Variants in RBFOX1 observed in about 807,000 individuals in gnomAD.
RBFOX1 encodes RNA binding protein fox-1 homolog 1.
In RBFOX1, 8 loss-of-function variants were observed where a neutral mutation model predicts 57.7. That is an observed-to-expected ratio of 0.14 (90% CI 0.08 to 0.25). RBFOX1 has a LOEUF of 0.25. Ranked by LOEUF, RBFOX1 falls within the 10% of genes least tolerant of loss-of-function variation. RBFOX1 has a pLI of 1.00. For missense variants in RBFOX1, 611 were observed against 548.5 expected, an observed-to-expected ratio of 1.11 and a Z score of -1.14; for synonymous variants, 326 against 222.4, an observed-to-expected ratio of 1.47 and a Z score of -4.15.
chr16:5,583,344 T>C (rs1039843857), intron 2 of RBFOX1, among the ~76,000 whole-genome samples: 1 of 152,232 alleles, frequency 6.6e-6, no homozygotes, highest in Admixed American at 6.5e-5. Context: ...CTTAATAGTA[T>C]GTATCTGTAA....
intron 4 of RBFOX1, among the ~76,000 whole-genome samples, chr16:7,501,877 C>G (rs953730893): frequency 1.3e-5 from 2 of 152,152 alleles, no homozygotes; most frequent in Admixed American, 6.5e-5. Flanking sequence ...CAGCCTGTAG[C>G]TATAGAGGTA....
At chr16:7,510,204 G>A (rs893965447) in intron 4 of RBFOX1, 18 of 985,758 alleles carry the variant, frequency 1.8e-5, no homozygotes, top group Non-Finnish European at 2.0e-5. Flanking sequence ...TGCACAGCGC[G>A]CACACCCTCG....
intron 3 of RBFOX1, among the ~76,000 whole-genome samples, chr16:6,669,245 G>T (rs1030480177): frequency 2.6e-5 from 4 of 152,176 alleles, no homozygotes; most frequent in Non-Finnish European, 2.9e-5. Flanking sequence ...CAAGGGTGGG[G>T]TGGGAAACCA....
intron 2 of RBFOX1, among the ~76,000 whole-genome samples, chr16:6,557,018 TATATATA>T (rs2097108618): frequency 8.0e-6 from 1 of 125,698 alleles, no homozygotes; most frequent in Admixed American, 7.5e-5. Flanking sequence ...TATATATACA[TATATATA>T]CATATATACA....
At chr16:5,541,912 G>C (rs1285032778) in intron 2 of RBFOX1, among the ~76,000 whole-genome samples, 1 of 152,034 alleles carries the variant, frequency 6.6e-6, no homozygotes, top group Non-Finnish European at 1.5e-5. Flanking sequence ...TATTTCAGTA[G>C]TTTTTTGGGA....
At chr16:6,419,881 C>T (rs2093726893) in intron 2 of RBFOX1, among the ~76,000 whole-genome samples, 1 of 152,130 alleles carries the variant, frequency 6.6e-6, no homozygotes, top group Admixed American at 6.5e-5. Flanking sequence ...TTCAGCTTTC[C>T]TGGACCATCA....
intron 3 of RBFOX1, among the ~76,000 whole-genome samples, chr16:7,020,509 G>A (rs182809167): frequency 5.6e-4 from 85 of 152,224 alleles, no homozygotes; most frequent in African/African-American, 1.6e-3. Context: ...GTCAGCCACC[G>A]CGCCCAGCCA....
intron 3 of RBFOX1, among the ~76,000 whole-genome samples, chr16:5,612,582 G>A (rs889222970): frequency 1.3e-5 from 2 of 152,278 alleles, no homozygotes; most frequent in Non-Finnish European, 2.9e-5. Context: ...TGGTGGATAT[G>A]TCTGGGGTTT....
chr16:6,470,462 A>C (rs556012590), intron 2 of RBFOX1, among the ~76,000 whole-genome samples: 2 of 152,326 alleles, frequency 1.3e-5, no homozygotes, highest in African/African-American at 4.8e-5. Context: ...GCATTCTCCT[A>C]TGTTGGCTTG....
In RBFOX1 at chr16:5,939,277, A is replaced by G. The variant is rs141635181; in HGVS notation, c.351+71942A>G. Among the ~76,000 whole-genome samples the G allele has an allele frequency of 2.7e-4, 41 of 152,370 alleles. No individual in the cohort carries two copies. In the East Asian group the frequency reaches 6.2e-3, roughly 23 times the overall value. On this transcript the variant is annotated intron_variant, in intron 4 of 19. Coordinates refer to the RBFOX1 transcript ENST00000641259. The stretch of plus-strand genomic sequence containing the variant: ...ATATTAGTATATGTAATTGTCTAAT[A>G]AATCATCACAAACTTAGATTAAAAC...
intron 4 of RBFOX1, among the ~76,000 whole-genome samples, chr16:7,416,930 G>C (rs1376408843): frequency 6.6e-6 from 1 of 152,160 alleles, no homozygotes; most frequent in Non-Finnish European, 1.5e-5. Flanking sequence ...GCAGAAAACT[G>C]GGGCTTAGAG....
At chr16:6,679,440 G>A (rs116775558) in intron 3 of RBFOX1, among the ~76,000 whole-genome samples, 2,324 of 152,132 alleles carry the variant, frequency 0.015, 38 homozygotes, top group African/African-American at 0.049. Flanking sequence ...GCAGTGCCTC[G>A]TTTCTTGGTC....
chr16:7,465,819 C>G (rs1427888788), intron 4 of RBFOX1, among the ~76,000 whole-genome samples: 1 of 152,190 alleles, frequency 6.6e-6, no homozygotes. Flanking sequence ...TAATTCTTGT[C>G]TACACCGAAG....
chr16:5,423,036 A>T (rs542799728), intron 1 of RBFOX1, among the ~76,000 whole-genome samples: 1 of 71,352 alleles, frequency 1.4e-5, no homozygotes, highest in East Asian at 5.0e-4. Context: ...AAGGGGAGGG[A>T]GGAGTGGGGA....
At chr16:7,241,018 C>G (rs946694544) in intron 4 of RBFOX1, among the ~76,000 whole-genome samples, 6 of 152,186 alleles carry the variant, frequency 3.9e-5, no homozygotes, top group Admixed American at 1.3e-4. Context: ...AATATCTGTT[C>G]TGGCTATCGT....
rs951306532 is a variant in RBFOX1, at chr16:6,412,255, G to A, written c.-64+95198G>A. 5.5e-4 allele frequency among the ~76,000 whole-genome samples: 83 copies of A among 152,232 alleles called. 3 individuals carry two copies. The highest frequency in any genetic ancestry group is 2.1e-4 in the South Asian group (1 of 4,818). ...ATGAATCTCACCAGAGAAAAGGTAT[G>A]TCCCCAAGAACAGAGTGAACATGTA... On this transcript the variant is annotated intron_variant, in intron 2 of 15. Coordinates refer to ENST00000550418, the MANE Select transcript of RBFOX1 (RefSeq NM_018723.4).
chr16:6,541,048 A>G (rs2096809318), intron 2 of RBFOX1, among the ~76,000 whole-genome samples: 2 of 152,224 alleles, frequency 1.3e-5, no homozygotes, highest in Admixed American at 6.5e-5. Context: ...GGATCCTAGG[A>G]TAATGCTACT....
Position 7,518,296 on chromosome 16 carries a change from C to T in RBFOX1, c.177C>T (p.Pro59=), listed in dbSNP as rs1304807131. 3.2e-5 allele frequency: 52 copies of T among 1,614,018 alleles called. No homozygotes were observed. Among genetic ancestry groups the T allele is most frequent in the Non-Finnish European group, 4.1e-5 (48 of 1,180,020 alleles). Residue 59 remains proline, a synonymous_variant, in exon 5 of 16, where the codon CCC becomes CCT. Coordinates refer to ENST00000550418, the MANE Select transcript of RBFOX1 (RefSeq NM_018723.4). ...AGTACACAGGCCAGACCACGGTTCCCGAGCACACATTAAACCTGTACCCTC... is the reference window on the plus strand; with the variant it reads ...AGTACACAGGCCAGACCACGGTTCCTGAGCACACATTAAACCTGTACCCTC... The part of the protein sequence containing the change: ...APEYTGQTTV[P]EHTLNLYPPA...
intron 2 of RBFOX1, among the ~76,000 whole-genome samples, chr16:6,398,016 C>G (rs2092910628): frequency 6.6e-6 from 1 of 152,120 alleles, no homozygotes; most frequent in Non-Finnish European, 1.5e-5. Flanking sequence ...AATTAAAGAG[C>G]AAACCATAAA....
Sources: allele counts gnomAD v4.1 joint callset (sites outside exome capture counted in the v4.1 genomes callset), GRCh38; gene constraint gnomAD v4.1.1; transcripts MANE v1.5; gene names NCBI Gene and HGNC (gene_info 2026-07-23, HGNC 2026-07-21).